Variants in COL11A1 observed in about 807,000 individuals in gnomAD.
COL11A1 encodes collagen type XI alpha 1 chain, also known as collagen alpha-1(XI) chain.
A neutral mutation model predicts 265.2 loss-of-function variants in COL11A1; 74 were observed. The ratio of observed to expected loss-of-function variants is 0.28; its 90% CI spans 0.23 to 0.34. The LOEUF is 0.34. COL11A1 is among the 10% of genes least tolerant of loss of function. COL11A1 has a pLI of 1.00. For missense variants in COL11A1, 2,165 were observed against 2,263.6 expected, an observed-to-expected ratio of 0.96 and a Z score of 0.88; for synonymous variants, 816 against 727.6, an observed-to-expected ratio of 1.12 and a Z score of -1.96.
intron 4 of COL11A1, among the ~76,000 whole-genome samples, chr1:103,050,254 T>C (rs1195737757): frequency 6.6e-6 from 1 of 152,238 alleles, no homozygotes; most frequent in Non-Finnish European, 1.5e-5. Flanking sequence ...GAGGTAGATT[T>C]GGTCTTTTCA....
At chr1:103,027,579 T>C (rs187229184) in intron 5 of COL11A1, among the ~76,000 whole-genome samples, 1 of 151,722 alleles carries the variant, frequency 6.6e-6, no homozygotes, top group East Asian at 1.9e-4. Context: ...TTTGATACGA[T>C]TCCAATTATG....
chr1:102,986,998 T>A (rs1371167115), intron 30 of COL11A1, among the ~76,000 whole-genome samples: 1 of 152,152 alleles, frequency 6.6e-6, no homozygotes, highest in Non-Finnish European at 1.5e-5. Flanking sequence ...AAAAGATGAT[T>A]CTACTTGGTG....
Position 102,914,823 on chromosome 1 carries a change from T to TAA in COL11A1, c.3817-14_3817-13dup, listed in dbSNP as rs34228277. On this transcript the variant is annotated splice_polypyrimidine_tract_variant and intron_variant, in intron 50 of 66. Coordinates refer to ENST00000370096, the MANE Select transcript of COL11A1 (RefSeq NM_001854.4). ...TCTCCTTTGGGACCCTAAACAATGT[T>TAA]AAAAAAAAAAAAAGAAGAAGAAGGA... 0.081 allele frequency: 100,593 copies of TAA among 1,249,092 alleles called. 658 individuals carry two copies. Among genetic ancestry groups the TAA allele is most frequent in the East Asian group, 0.12 (4,641 of 38,234 alleles). The allele number at this position is 1,249,092 out of a possible 1,614,324, so 77.4% of individuals were successfully genotyped here.
intron 54 of COL11A1, among the ~76,000 whole-genome samples, chr1:102,910,913 G>T (rs1654598429): frequency 1.3e-5 from 2 of 152,088 alleles, no homozygotes; most frequent in African/African-American, 4.8e-5. Context: ...GTTCCAAGAA[G>T]TATTTCAACT....
At chr1:103,057,227 T>G (rs555446042) in intron 4 of COL11A1, among the ~76,000 whole-genome samples, 204 of 152,284 alleles carry the variant, frequency 1.3e-3, no homozygotes, top group Non-Finnish European at 2.2e-3. Context: ...ATTCACAACC[T>G]CTTCACCAGA....
At chr1:103,036,026 A>T (rs1033791855) in intron 4 of COL11A1, among the ~76,000 whole-genome samples, 4 of 151,800 alleles carry the variant, frequency 2.6e-5, no homozygotes, top group African/African-American at 9.7e-5. Context: ...TGAATACAAA[A>T]TTATTAATAT....
chr1:103,088,180 C>CATGACCAGTAG (rs1553254835), intron 1 of COL11A1, among the ~76,000 whole-genome samples: 1 of 152,142 alleles, frequency 6.6e-6, no homozygotes, highest in Non-Finnish European at 1.5e-5. Context: ...TGCACACTCC[C>CATGACCAGTAG]ATGACCAGTA....
intron 44 of COL11A1, 123 bp downstream of exon 44, chr1:102,938,901 CTGCAGAGGTAA>C: frequency 2.7e-6 from 2 of 737,622 alleles, no homozygotes; most frequent in Non-Finnish European, 4.8e-6. Flanking sequence ...AATGATATAA[CTGCAGAGGTAA>C]TGTAGTATTG....
chr1:103,046,277 C>CCTGTTGTTTCCTGA (rs1553245294), intron 4 of COL11A1, among the ~76,000 whole-genome samples: 2 of 16,630 alleles, frequency 1.2e-4, no homozygotes, highest in Admixed American at 8.9e-4. Context: ...CTCTCCAGCA[C>CCTGTTGTTTCCTGA]CTTTTTAATG....
intron 3 of COL11A1, among the ~76,000 whole-genome samples, chr1:103,075,069 A>G (rs1372719206): frequency 1.3e-5 from 2 of 152,124 alleles, no homozygotes; most frequent in Non-Finnish European, 2.9e-5. Context: ...TAGTAACAAA[A>G]GCTTAATCTC....
chr1:102,983,766 T>C (rs1166042281), intron 31 of COL11A1, among the ~76,000 whole-genome samples: 1 of 152,102 alleles, frequency 6.6e-6, no homozygotes, highest in Non-Finnish European at 1.5e-5. Context: ...GAAAGGTGTA[T>C]TAATTTTAAA....
chr1:102,926,213 G>T (rs1656581950), intron 46 of COL11A1, among the ~76,000 whole-genome samples: 2 of 152,004 alleles, frequency 1.3e-5, no homozygotes, highest in African/African-American at 4.8e-5. Flanking sequence ...AGCACTCTAG[G>T]GTTAATCCAT....
chr1:102,913,793 A>T, intron 52 of COL11A1, 103 bp from the exon 53 acceptor site: 2 of 1,010,212 alleles, frequency 2.0e-6, no homozygotes, highest in Non-Finnish European at 3.1e-6. Context: ...GAGAAAAATT[A>T]TCAGATGGAC....
chr1:102,887,252 T>C (rs1205383403), intron 62 of COL11A1, among the ~76,000 whole-genome samples, 196 bp from the exon 63 acceptor site: 1 of 152,132 alleles, frequency 6.6e-6, no homozygotes, highest in African/African-American at 2.4e-5. Flanking sequence ...TTGGTGGAGA[T>C]ATTGAGGTAG....
rs549917457 is a variant in COL11A1 at position 102,959,498 on chromosome 1, C to T, written c.3168+2368G>A. Among the ~76,000 whole-genome samples the T allele has an allele frequency of 5.8e-4, 89 of 152,314 alleles. 1 individual carries two copies. Among genetic ancestry groups the T allele is most frequent in the African/African-American group, 2.1e-3 (87 of 41,572 alleles). On this transcript the variant is annotated intron_variant, in intron 41 of 66. Transcript: ENST00000370096. ...CCTTCCCCTTATTTATATTCTCTTTCTACCTCCCTCATAGAATTAACATTT... is the reference window on the plus strand; with the variant it reads ...CCTTCCCCTTATTTATATTCTCTTTTTACCTCCCTCATAGAATTAACATTT...
At chr1:103,095,013 T>C (rs913066283) in intron 1 of COL11A1, among the ~76,000 whole-genome samples, 14 of 152,028 alleles carry the variant, frequency 9.2e-5, no homozygotes, top group African/African-American at 2.7e-4. Flanking sequence ...CAAAACAAAG[T>C]ACAAAATGCC....
chr1:102,997,020 A>C lies in COL11A1; in HGVS notation c.2241+60T>G, dbSNP rs998496749. The stretch of plus-strand genomic sequence containing the variant: ...TTTATATATATGAGATGACCAAATT[A>C]AGGCATTTTCTCTTGGAAATTTATT... On this transcript the variant is annotated intron_variant, in intron 26 of 66. Coordinates refer to ENST00000370096, the MANE Select transcript of COL11A1 (RefSeq NM_001854.4). 6 of 1,401,114 alleles carry C rather than the reference A, an allele frequency of 4.3e-6. No homozygotes were observed. The African/African-American group carries it at 8.5e-5, about 20-fold the overall frequency. The allele number at this position is 1,401,114 out of a possible 1,614,324, so 86.8% of individuals were successfully genotyped here. A position where few individuals can be genotyped will look rare whatever the true frequency, so the allele number is the denominator to read the frequency against.
At chr1:103,003,100 T>G in intron 21 of COL11A1, 115 bp downstream of exon 21, 1 of 1,050,728 alleles carries the variant, frequency 9.5e-7, no homozygotes, top group Non-Finnish European at 1.5e-6. Flanking sequence ...ACAATAGATC[T>G]TCAAACATAA....
intron 54 of COL11A1, among the ~76,000 whole-genome samples, chr1:102,904,268 A>G (rs1653606402): frequency 6.6e-6 from 1 of 152,224 alleles, no homozygotes; most frequent in African/African-American, 2.4e-5. Flanking sequence ...AACCATATAA[A>G]CCACAGAAGA....
Sources: gnomAD v4.1 joint callset for allele counts (sites outside exome capture counted in the v4.1 genomes callset) on GRCh38, gnomAD v4.1.1 for gene constraint, MANE v1.5 for transcripts, NCBI Gene and HGNC (gene_info 2026-07-23, HGNC 2026-07-21) for gene names.